KLKB1: variants seen among roughly 807,000 people sequenced by gnomAD.
KLKB1 encodes kallikrein B1, also known as plasma kallikrein.
KLKB1 carries 58 observed loss-of-function variants against 73.6 expected under a neutral mutation model. The observed-to-expected ratio is 0.79, with a 90% confidence interval of 0.64 to 0.98. The LOEUF is 0.98. KLKB1 is among the 50% of genes least tolerant of loss of function. KLKB1 has a pLI of 0.00. For missense variants in KLKB1, 737 were observed against 763.8 expected (o/e 0.96, Z 0.41); for synonymous variants, 280 against 258.1 (o/e 1.08, Z -0.81).
At chr4:186,236,113 C>CA (rs57285912) in intron 4 of KLKB1, among the ~76,000 whole-genome samples, 481 of 113,682 alleles carry the variant, frequency 4.2e-3, no homozygotes, top group South Asian at 0.014. Context: ...GACTCCGTCT[C>CA]AAAAAAAAAA....
upstream of KLKB1, among the ~76,000 whole-genome samples, chr4:186,225,039 T>A (rs1195428254): frequency 2.0e-5 from 3 of 152,162 alleles, no homozygotes; most frequent in African/African-American, 7.2e-5. Flanking sequence ...GAAGAAGGTG[T>A]CTGCTTCCCC....
intron 6 of KLKB1, among the ~76,000 whole-genome samples, chr4:186,249,430 A>G (rs1044795343): frequency 6.6e-6 from 1 of 152,214 alleles, no homozygotes; most frequent in African/African-American, 2.4e-5. Flanking sequence ...TATAAATGTA[A>G]GAGTTTATTT....
At chr4:186,248,626 A>G (rs899687791) in intron 6 of KLKB1, among the ~76,000 whole-genome samples, 4 of 109,864 alleles carry the variant, frequency 3.6e-5, no homozygotes, top group Admixed American at 3.2e-4. Context: ...CCTCTTATGA[A>G]TAATGCTGCT....
chr4:186,253,609 A>T (rs1215608495), intron 11 of KLKB1, among the ~76,000 whole-genome samples: 4 of 147,882 alleles, frequency 2.7e-5, no homozygotes, highest in African/African-American at 1.0e-4. Flanking sequence ...CATTGCAAAT[A>T]AAAAAAGGCC....
At position 186,215,411 on chromosome 4, in the gene KLKB1, TTCTCTCTTGCTTTC is replaced by T. The variant is rs1736869933; in HGVS notation, c.201+6147_201+6160del. On this transcript the variant is annotated intron_variant, in intron 2 of 14. Coordinates refer to the KLKB1 transcript ENST00000511608. Reference sequence around the variant, plus strand: ...TTGCTTTCTTCTTTCTTTCCTTGCTTTCTCTCTTGCTTTCTCTCTCTCTCTCCTTGCTTGCTTGC... The same window carrying T: ...TTGCTTTCTTCTTTCTTTCCTTGCTTTCTCTCTCTCTCCTTGCTTGCTTGC... 3.3e-4 allele frequency among the ~76,000 whole-genome samples: 4 copies of T among 12,124 alleles called. No homozygotes were observed. In the South Asian group the frequency reaches 0.017, roughly 52 times the overall value. The allele number at this position is 12,124 out of a possible 152,430, so 8.0% of individuals were successfully genotyped here.
chr4:186,219,444 C>A (rs913926414), intron 2 of KLKB1, among the ~76,000 whole-genome samples: 2 of 152,070 alleles, frequency 1.3e-5, no homozygotes, highest in Non-Finnish European at 2.9e-5. Flanking sequence ...AACCCAAATG[C>A]TGTTACATAA....
intron 14 of KLKB1, among the ~76,000 whole-genome samples, 162 bp downstream of exon 14, chr4:186,257,527 ATATATT>A: frequency 6.6e-6 from 1 of 152,086 alleles, no homozygotes; most frequent in Non-Finnish European, 1.5e-5. Flanking sequence ...TATACATAAT[ATATATT>A]TATATTATTT....
At chr4:186,224,822 G>A (rs1181130369), upstream of KLKB1, among the ~76,000 whole-genome samples, 1 of 152,152 alleles carries the variant, frequency 6.6e-6, no homozygotes, top group African/African-American at 2.4e-5. Flanking sequence ...AAAGGCCAGG[G>A]GAAGAATGAT....
chr4:186,245,823 G>GTTTTTTTTTTTTTTTTTTTTTTTTTTT (rs1561460148), intron 6 of KLKB1, among the ~76,000 whole-genome samples: 2 of 48,604 alleles, frequency 4.1e-5, no homozygotes, highest in Non-Finnish European at 5.8e-5. Flanking sequence ...TTTGTTTTTT[G>GTTTTTTTTTTTTTTTTTTTTTTTTTTT]GTTTTTTTTT....
rs113884104 is a variant in KLKB1 at position 186,251,268 on chromosome 4, A to G, written c.808A>G (p.Thr270Ala). The change falls in exon 8 of 15, where the codon ACT becomes GCT. Residue 270 changes from threonine (T) to alanine (A), a missense_variant. Physicochemically the swap from Thr to Ala is moderately conservative, Grantham distance 58. Transcript: ENST00000264690. ...TSESGTPSSS[T>A]PQENTISGYS... Reference sequence around the variant, plus strand: ...TGAAAGTGGCACACCAAGTTCCTCTACTCCTCAAGAAAACACCATATCTGG... The same window carrying G: ...TGAAAGTGGCACACCAAGTTCCTCTGCTCCTCAAGAAAACACCATATCTGG... 887 of 1,612,302 alleles carry G rather than the reference A, an allele frequency of 5.5e-4. 5 individuals carry two copies. In the African/African-American group the frequency reaches 0.01, roughly 19 times the overall value.
At chr4:186,251,012 A>G in intron 7 of KLKB1, 1 of 559,612 alleles carries the variant, frequency 1.8e-6, no homozygotes, top group Non-Finnish European at 3.1e-6. Flanking sequence ...TGTGCCTATT[A>G]GTTTTCTCCA....
At chr4:186,242,152 G>A (rs1320984041) in intron 6 of KLKB1, among the ~76,000 whole-genome samples, 2 of 80,660 alleles carry the variant, frequency 2.5e-5, no homozygotes. Flanking sequence ...GGGCAGCGGT[G>A]GGGGGTCACA....
upstream of KLKB1, among the ~76,000 whole-genome samples, chr4:186,222,500 T>C (rs1737053708): frequency 6.6e-6 from 1 of 152,242 alleles, no homozygotes; most frequent in East Asian, 1.9e-4. Flanking sequence ...TCCATTTTAA[T>C]CTGGTAACAA....
At chr4:186,224,269 A>T (rs4862670), upstream of KLKB1, among the ~76,000 whole-genome samples, 137,007 of 152,256 alleles carry the variant, frequency 0.9, 61,695 homozygotes, top group African/African-American at 0.93. Flanking sequence ...ACACACAGAG[A>T]CCCCACTGGA....
In KLKB1 at chr4:186,257,225, G is replaced by A; in HGVS notation, c.1586-1G>A. The A allele has an allele frequency of 1.3e-6, 2 of 1,567,714 alleles. No homozygotes were observed. The highest frequency in any genetic ancestry group is 1.7e-5 in the Admixed American group (1 of 59,146). Reference sequence around the variant, plus strand: ...TGAGGTTATATATTGGTTACTCACAGGTGAAATCCAAAATATTCTACAAAA... The same window carrying A: ...TGAGGTTATATATTGGTTACTCACAAGTGAAATCCAAAATATTCTACAAAA... On this transcript the variant is annotated splice_acceptor_variant, in intron 13 of 14. Transcript: ENST00000264690. LOFTEE classifies it high-confidence loss of function.
chr4:186,233,073 T>C (rs1289767291), intron 3 of KLKB1, among the ~76,000 whole-genome samples: 1 of 150,008 alleles, frequency 6.7e-6, no homozygotes, highest in Non-Finnish European at 1.5e-5. Context: ...CACCACCACG[T>C]CCAGCTAATT....
At chr4:186,212,035 T>G (rs1437588753) in intron 2 of KLKB1, 3 of 152,178 alleles carry the variant, frequency 2.0e-5, no homozygotes, top group African/African-American at 7.2e-5. Context: ...TTAGAACTTA[T>G]CTAGTTATGC....
intron 6 of KLKB1, 124 bp downstream of exon 6, chr4:186,238,489 A>C: frequency 2.7e-6 from 2 of 744,818 alleles, no homozygotes; most frequent in Non-Finnish European, 4.9e-6. Flanking sequence ...CGTTTCTGTC[A>C]ATGGCATGCA....
At chr4:186,228,081 T>G (rs919736871) in intron 1 of KLKB1, 114 bp from the exon 2 acceptor site, 14 of 709,684 alleles carry the variant, frequency 2.0e-5, no homozygotes, top group Non-Finnish European at 3.3e-5. Flanking sequence ...CCAGTAATTG[T>G]GTGCTTTGTC....
Sources: gnomAD v4.1 joint callset for allele counts (sites outside exome capture counted in the v4.1 genomes callset) on GRCh38, gnomAD v4.1.1 for gene constraint, MANE v1.5 for transcripts, NCBI Gene and HGNC (gene_info 2026-07-23, HGNC 2026-07-21) for gene names.